GLG1: variants seen among roughly 807,000 people sequenced by gnomAD.
GLG1 encodes the protein golgi glycoprotein 1.
GLG1 carries 38 observed loss-of-function variants against 160.5 expected under a neutral mutation model. The ratio of observed to expected loss-of-function variants is 0.24; its 90% CI spans 0.18 to 0.31. The LOEUF (loss-of-function observed/expected upper bound fraction) is 0.31. Among genes scored for constraint, GLG1 ranks in the 10% least tolerant of loss-of-function variants. The probability of loss-of-function intolerance (pLI) is 1.00; values close to 1 mark genes in which losing one functional copy is unlikely to be tolerated. For missense variants in GLG1, 1,373 were observed against 1,505.2 expected (o/e 0.91, Z 1.45); for synonymous variants, 644 against 543.4 (o/e 1.19, Z -2.57).
chr16:74,461,072 A>C (rs2143171090), intron 22 of GLG1, among the ~76,000 whole-genome samples: 1 of 152,346 alleles, frequency 6.6e-6, no homozygotes, highest in South Asian at 2.1e-4. Flanking sequence ...TCCTGAAATT[A>C]ACATATGTTG....
chr16:74,532,191 AAAATATAT>A, intron 1 of GLG1, 38 bp from the exon 2 acceptor site: 3 of 632,638 alleles, frequency 4.7e-6, no homozygotes, highest in Non-Finnish European at 6.5e-6. Flanking sequence ...TGTAAAAAAA[AAAATATAT>A]ATATATATAT....
chr16:74,570,659 G>A (rs758212854), intron 1 of GLG1, among the ~76,000 whole-genome samples: 15 of 152,240 alleles, frequency 9.9e-5, no homozygotes, highest in African/African-American at 3.1e-4. Flanking sequence ...ACTTTGGGAC[G>A]CCAGGGCAGG....
intron 3 of GLG1, among the ~76,000 whole-genome samples, chr16:74,506,581 C>CAAAAAAAAAAAAAAAAAAA (rs56175030): frequency 7.7e-5 from 3 of 39,054 alleles, no homozygotes; most frequent in African/African-American, 1.1e-4. Context: ...GACTCCGTCT[C>CAAAAAAAAAAAAAAAAAAA]AAAAAAAAAA....
intron 4 of GLG1, among the ~76,000 whole-genome samples, chr16:74,502,570 G>GTCTC (rs2016444711): frequency 6.6e-6 from 1 of 151,536 alleles, no homozygotes; most frequent in Admixed American, 6.6e-5. Flanking sequence ...TTGAGACGGA[G>GTCTC]TCTCACTCTG....
At chr16:74,560,082 C>T (rs1006200132) in intron 1 of GLG1, among the ~76,000 whole-genome samples, 1 of 152,088 alleles carries the variant, frequency 6.6e-6, no homozygotes, top group Non-Finnish European at 1.5e-5. Context: ...GTGTCAACTT[C>T]ACTGGGCCAC....
At chr16:74,462,681 CAT>C in intron 20 of GLG1, 51 bp from the exon 21 acceptor site, 1 of 1,567,986 alleles carries the variant, frequency 6.4e-7, no homozygotes, top group Non-Finnish European at 8.8e-7. Flanking sequence ...CTGATTCACA[CAT>C]TTTTAGATAT....
chr16:74,504,091 G>A (rs2016511164), intron 3 of GLG1, among the ~76,000 whole-genome samples: 3 of 152,146 alleles, frequency 2.0e-5, no homozygotes, highest in Admixed American at 2.0e-4. Context: ...GTCCTATGAA[G>A]TCCTTGTAAC....
At position 74,462,924 on chromosome 16, in the gene GLG1, C is replaced by T. The variant is rs376131876; in HGVS notation, c.2792-294G>A. ...AATCAAGGGGACATCAGCAACCTTC[C>T]CCATAACAGACACTTTTGAGAACAC... is the stretch of plus-strand genomic sequence containing the variant. On this transcript the variant is annotated intron_variant, in intron 20 of 25. Coordinates refer to ENST00000422840, the MANE Select transcript of GLG1 (RefSeq NM_001145667.2). 340 of 458,268 alleles carry T rather than the reference C, an allele frequency of 7.4e-4. No individual in the cohort carries two copies. The South Asian group carries it at 9.1e-3, about 12-fold the overall frequency. 28.4% of individuals were successfully genotyped at this position (458,268 alleles called of 1,614,324 possible).
rs369058916 is a variant in GLG1 at position 74,457,902 on chromosome 16, G to A, written c.3237C>T (p.Cys1079=). The A allele has an allele frequency of 2.4e-5, 38 of 1,613,918 alleles. No homozygotes were observed. Among genetic ancestry groups the A allele is most frequent in the Admixed American group, 2.0e-4 (12 of 59,998 alleles). ...TACALDIKHH[C]AAITPGRGRQ... The stretch of plus-strand genomic sequence containing the variant: ...GCCCGCGGCCAGGGGTGATGGCTGC[G>A]CAGTGGTGTTTAATGTCCAGGGCAC... Residue 1079 remains cysteine, a synonymous_variant, in exon 24 of 26, where the codon TGC becomes TGT. Coordinates refer to ENST00000422840, the MANE Select transcript of GLG1 (RefSeq NM_001145667.2).
chr16:74,584,859 T>A (rs1005579523), intron 1 of GLG1, among the ~76,000 whole-genome samples: 1 of 151,928 alleles, frequency 6.6e-6, no homozygotes, highest in Non-Finnish European at 1.5e-5. Context: ...GAGGTTGCAG[T>A]GAGCTGAGAT....
chr16:74,467,563 G>C (rs2015044738), intron 18 of GLG1, among the ~76,000 whole-genome samples, 193 bp downstream of exon 18: 1 of 152,110 alleles, frequency 6.6e-6, no homozygotes, highest in Non-Finnish European at 1.5e-5. Flanking sequence ...GAGGAGTGCA[G>C]GTGAAGAACC....
At chr16:74,589,634 A>G (rs996030142) in intron 1 of GLG1, among the ~76,000 whole-genome samples, 1 of 152,226 alleles carries the variant, frequency 6.6e-6, no homozygotes, top group Non-Finnish European at 1.5e-5. Context: ...AGCAGAGGCA[A>G]GCAGGCTGAG....
chr16:74,532,211 T>C, intron 1 of GLG1, 58 bp from the exon 2 acceptor site: 1 of 585,934 alleles, frequency 1.7e-6, no homozygotes, highest in East Asian at 3.7e-5. Context: ...TATATATATA[T>C]AGAGAACCTT....
chr16:74,591,138 C>A (rs946264508), intron 1 of GLG1, among the ~76,000 whole-genome samples: 2 of 151,870 alleles, frequency 1.3e-5, no homozygotes, highest in East Asian at 3.9e-4. Context: ...TGAGACCAGC[C>A]TAGCCAACAC....
chr16:74,602,082 A>G (rs1000645225), intron 1 of GLG1, among the ~76,000 whole-genome samples: 3 of 152,154 alleles, frequency 2.0e-5, no homozygotes, highest in Non-Finnish European at 2.9e-5. Flanking sequence ...TCAAGTATAC[A>G]GTTAAGTGAA....
chr16:74,539,588 T>C (rs1018118997), intron 1 of GLG1, among the ~76,000 whole-genome samples: 8 of 151,358 alleles, frequency 5.3e-5, no homozygotes, highest in Admixed American at 2.0e-4. Flanking sequence ...CTGACAGGAC[T>C]TTTAGCTTTG....
chr16:74,506,371 G>C (rs2016602714), intron 3 of GLG1, among the ~76,000 whole-genome samples: 1 of 151,418 alleles, frequency 6.6e-6, no homozygotes, highest in Admixed American at 6.6e-5. Flanking sequence ...GAGGTCAGGA[G>C]ACTGAGACCA....
chr16:74,600,908 G>A (rs1260526480), intron 1 of GLG1, among the ~76,000 whole-genome samples: 1 of 151,888 alleles, frequency 6.6e-6, no homozygotes, highest in Non-Finnish European at 1.5e-5. Context: ...ATCGCTTCTC[G>A]ATCACAACAA....
chr16:74,548,188 T>C (rs1054512372), intron 1 of GLG1, among the ~76,000 whole-genome samples: 4 of 152,270 alleles, frequency 2.6e-5, no homozygotes, highest in African/African-American at 9.6e-5. Context: ...TCTAAAAATA[T>C]CTGCCATAGG....
Sources: gnomAD v4.1 joint callset for allele counts (sites outside exome capture counted in the v4.1 genomes callset) on GRCh38, gnomAD v4.1.1 for gene constraint, MANE v1.5 for transcripts, NCBI Gene and HGNC (gene_info 2026-07-23, HGNC 2026-07-21) for gene names.